MARCHF1: variants seen among roughly 807,000 people sequenced by gnomAD.
MARCHF1 encodes E3 ubiquitin-protein ligase MARCHF1.
A neutral mutation model predicts 54.2 loss-of-function variants in MARCHF1; 40 were observed. That is an observed-to-expected ratio of 0.74 (90% CI 0.57 to 0.96). The LOEUF is 0.96. Among genes scored for constraint, MARCHF1 ranks in the 40% least tolerant of loss-of-function variants. MARCHF1 has a pLI of 0.00. For synonymous variants in MARCHF1, 236 were observed against 236.3 expected, an observed-to-expected ratio of 1.00 and a Z score of 0.01; for missense variants, 586 against 656.5, an observed-to-expected ratio of 0.89 and a Z score of 1.17.
intron 3 of MARCHF1, among the ~76,000 whole-genome samples, chr4:163,974,850 G>T (rs961839238): frequency 2.0e-5 from 3 of 152,088 alleles, no homozygotes; most frequent in Non-Finnish European, 4.4e-5. Flanking sequence ...GTTTCTAAAT[G>T]AGATTAACAA....
At chr4:164,279,552 A>T (rs1321322429) in intron 1 of MARCHF1, among the ~76,000 whole-genome samples, 1 of 151,712 alleles carries the variant, frequency 6.6e-6, no homozygotes, top group African/African-American at 2.4e-5. Flanking sequence ...CAATACAAAT[A>T]AATGACAAAT....
At chr4:163,683,756 T>A (rs564649707) in intron 5 of MARCHF1, among the ~76,000 whole-genome samples, 64 of 152,304 alleles carry the variant, frequency 4.2e-4, no homozygotes, top group Admixed American at 1.7e-3. Context: ...CAAAACTTAG[T>A]GGCTTAAAAT....
intron 1 of MARCHF1, among the ~76,000 whole-genome samples, chr4:164,239,959 G>C (rs985381876): frequency 4.6e-5 from 7 of 152,188 alleles, no homozygotes; most frequent in African/African-American, 1.7e-4. Context: ...TGCTTAAGTA[G>C]AGTAAGAGAG....
intron 1 of MARCHF1, among the ~76,000 whole-genome samples, chr4:164,175,885 G>A (rs1025561382): frequency 6.6e-6 from 1 of 151,974 alleles, no homozygotes; most frequent in Non-Finnish European, 1.5e-5. Context: ...TCTTGGTTCC[G>A]TTTCTCTGGA....
In MARCHF1 at chr4:163,875,761, G is replaced by A. The variant is rs147578062; in HGVS notation, c.-38-21592C>T. 5.5e-3 allele frequency among the ~76,000 whole-genome samples: 838 copies of A among 152,182 alleles called. 5 individuals are homozygous for A. Among genetic ancestry groups the A allele is most frequent in the African/African-American group, 0.019 (785 of 41,534 alleles). On this transcript the variant is annotated intron_variant, in intron 3 of 9. Coordinates refer to ENST00000514618, the MANE Select transcript of MARCHF1 (RefSeq NM_001394959.1). ...TAAGACTCTCATGCAACAATACAAC[G>A]AGGTCAGGTTAATTCCATTTGTTCA...
At chr4:164,208,915 A>C (rs1731686722) in intron 1 of MARCHF1, among the ~76,000 whole-genome samples, 1 of 151,890 alleles carries the variant, frequency 6.6e-6, no homozygotes, top group East Asian at 1.9e-4. Flanking sequence ...ATACTACTCT[A>C]GTTTAGGCAA....
intron 4 of MARCHF1, among the ~76,000 whole-genome samples, chr4:163,801,709 G>A (rs1271219459): frequency 6.6e-6 from 1 of 151,980 alleles, no homozygotes; most frequent in African/African-American, 2.4e-5. Context: ...GTAACTACTA[G>A]TGAGACTTCC....
intron 3 of MARCHF1, among the ~76,000 whole-genome samples, chr4:163,962,952 C>T (rs1188703273): frequency 6.6e-6 from 1 of 151,798 alleles, no homozygotes; most frequent in Admixed American, 6.6e-5. Flanking sequence ...CCTGTATATT[C>T]AATACATTCT....
intron 1 of MARCHF1, among the ~76,000 whole-genome samples, chr4:164,113,682 T>G (rs563852581): frequency 6.6e-6 from 1 of 151,936 alleles, no homozygotes; most frequent in Non-Finnish European, 1.5e-5. Context: ...GATAAATAAA[T>G]TATTCAGGGA....
chr4:164,350,982 G>A lies in MARCHF1; in HGVS notation c.-323+32888C>T, dbSNP rs191328559. ...CAAGGGGTCAGGGAGTTCCCTTTCC[G>A]AGTCAAAGAAAGGGGTGACGGACGC... On this transcript the variant is annotated intron_variant, in intron 1 of 9. Coordinates refer to ENST00000514618, the MANE Select transcript of MARCHF1 (RefSeq NM_001394959.1). Among the ~76,000 whole-genome samples, 17 of 152,102 alleles carry A rather than the reference G, an allele frequency of 1.1e-4. No individual in the cohort carries two copies. The South Asian group carries it at 2.7e-3, about 24-fold the overall frequency.
At chr4:164,366,951 A>C (rs1265207878) in intron 1 of MARCHF1, among the ~76,000 whole-genome samples, 1 of 151,892 alleles carries the variant, frequency 6.6e-6, no homozygotes, top group African/African-American at 2.4e-5. Flanking sequence ...AATTCAAACC[A>C]CTGCAATATT....
At chr4:164,081,672 G>A (rs1486387093) in intron 2 of MARCHF1, among the ~76,000 whole-genome samples, 1 of 151,922 alleles carries the variant, frequency 6.6e-6, no homozygotes, top group African/African-American at 2.4e-5. Context: ...AACTTGGTTT[G>A]GGAATTATGG....
chr4:164,237,787 A>G (rs1560967539), intron 1 of MARCHF1, among the ~76,000 whole-genome samples: 1 of 152,020 alleles, frequency 6.6e-6, no homozygotes, highest in Non-Finnish European at 1.5e-5. Context: ...ATGAAAACAT[A>G]AATTTCAGGC....
chr4:163,615,196 G>T (rs1039630430), intron 5 of MARCHF1, among the ~76,000 whole-genome samples: 2 of 152,000 alleles, frequency 1.3e-5, no homozygotes, highest in African/African-American at 4.8e-5. Context: ...CCCAGGAGGT[G>T]GGGTGATCCC....
At chr4:164,145,440 C>T (rs1285838604) in intron 1 of MARCHF1, among the ~76,000 whole-genome samples, 2 of 152,034 alleles carry the variant, frequency 1.3e-5, no homozygotes, top group African/African-American at 4.8e-5. Flanking sequence ...ACTGGCAAAA[C>T]GAATCCAGCA....
intron 5 of MARCHF1, among the ~76,000 whole-genome samples, chr4:163,649,744 T>C (rs915172065): frequency 1.3e-5 from 2 of 150,818 alleles, no homozygotes; most frequent in African/African-American, 4.9e-5. Flanking sequence ...CTGTGGAGTC[T>C]CTCCTTGTTC....
intron 1 of MARCHF1, among the ~76,000 whole-genome samples, chr4:164,325,175 T>C (rs1203006393): frequency 2.0e-5 from 3 of 151,514 alleles, no homozygotes; most frequent in South Asian, 2.1e-4. Context: ...TAGGTAATAA[T>C]CAAAGATACA....
intron 8 of MARCHF1, among the ~76,000 whole-genome samples, chr4:163,571,058 C>G (rs560824851): frequency 1.3e-5 from 2 of 152,162 alleles, no homozygotes; most frequent in South Asian, 4.1e-4. Flanking sequence ...AGCCCTGGTT[C>G]CCTACAGTCA....
At chr4:164,033,943 T>G (rs1324085313) in intron 2 of MARCHF1, among the ~76,000 whole-genome samples, 1 of 152,140 alleles carries the variant, frequency 6.6e-6, no homozygotes, top group African/African-American at 2.4e-5. Context: ...CAAAGGAATA[T>G]AAATCATTCT....
Sources: allele counts gnomAD v4.1 joint callset (sites outside exome capture counted in the v4.1 genomes callset), GRCh38; gene constraint gnomAD v4.1.1; transcripts MANE v1.5; gene names NCBI Gene and HGNC (gene_info 2026-07-23, HGNC 2026-07-21).